CDK14: variants seen among roughly 807,000 people sequenced by gnomAD.
CDK14 encodes cyclin dependent kinase 14.
CDK14 carries 34 observed loss-of-function variants against 60.7 expected under a neutral mutation model. The observed-to-expected ratio is 0.56, with a 90% CI of 0.43 to 0.75. The LOEUF (loss-of-function observed/expected upper bound fraction) is 0.75. Ranked by LOEUF, CDK14 falls within the 30% of genes least tolerant of loss-of-function variation. The pLI is 0.00. For synonymous variants in CDK14, 197 were observed against 203.7 expected (o/e 0.97, Z 0.28); for missense variants, 482 against 564.1 (o/e 0.85, Z 1.47).
chr7:91,046,875 A>C (rs938223830), intron 11 of CDK14, among the ~76,000 whole-genome samples: 1 of 152,168 alleles, frequency 6.6e-6, no homozygotes, highest in African/African-American at 2.4e-5. Context: ...CTTTTGGGGA[A>C]CCATCAGGAA....
intron 4 of CDK14, among the ~76,000 whole-genome samples, chr7:90,774,194 A>C (rs969287443): frequency 6.6e-6 from 1 of 151,954 alleles, no homozygotes; most frequent in African/African-American, 2.4e-5. Context: ...GTGAGCCACT[A>C]CGCCAGGCCA....
intron 2 of CDK14, among the ~76,000 whole-genome samples, chr7:90,634,654 G>C (rs1800092256): frequency 6.6e-6 from 1 of 151,904 alleles, no homozygotes; most frequent in Non-Finnish European, 1.5e-5. Flanking sequence ...ACCCAGTAAT[G>C]GGATGGCTGG....
At position 91,079,492 on chromosome 7, in the gene CDK14, T is replaced by C. The variant is rs1162267149; in HGVS notation, c.1154+12T>C. 17 of 1,569,556 alleles carry C rather than the reference T, an allele frequency of 1.1e-5. No individual in the cohort carries two copies. In the East Asian group the frequency reaches 3.8e-4, roughly 35 times the overall value. ...CAAGCATGGAATAAGTAAGTCTTTA[T>C]ACAGATTGTGCTCATTCTCTTTCTT... is the stretch of plus-strand genomic sequence containing the variant. On this transcript the variant is annotated intron_variant, in intron 12 of 14. Transcript: ENST00000380050.
chr7:90,923,550 C>G (rs980559118), intron 8 of CDK14, among the ~76,000 whole-genome samples: 1 of 152,112 alleles, frequency 6.6e-6, no homozygotes. Flanking sequence ...CAGATTGAAG[C>G]AATGTAGATA....
chr7:90,969,856 G>T (rs1794867798), intron 9 of CDK14, among the ~76,000 whole-genome samples: 1 of 151,706 alleles, frequency 6.6e-6, no homozygotes, highest in Non-Finnish European at 1.5e-5. Context: ...GCTGGTTGCT[G>T]GATGTTACCA....
intron 14 of CDK14, among the ~76,000 whole-genome samples, chr7:91,170,821 C>T (rs1277659295): frequency 7.4e-6 from 1 of 135,010 alleles, no homozygotes; most frequent in African/African-American, 2.9e-5. Context: ...GGCTGGAGTT[C>T]AGTGGCATGA....
chr7:90,649,378 C>T (rs1328380003), intron 2 of CDK14, among the ~76,000 whole-genome samples: 4 of 44,712 alleles, frequency 8.9e-5, no homozygotes, highest in African/African-American at 2.2e-4. Flanking sequence ...TCCTTCCTTC[C>T]TTCCTTCCTT....
rs376929990 is a variant in CDK14, at chr7:90,982,121, G to A, written c.948-2027G>A. ...TTGATTTACTGGACTAACTTGCTAGGTGGGAACTGTGAGCATGGCAGGTCA... is the reference window on the plus strand; with the variant it reads ...TTGATTTACTGGACTAACTTGCTAGATGGGAACTGTGAGCATGGCAGGTCA... On this transcript the variant is annotated intron_variant, in intron 9 of 14. Coordinates refer to ENST00000380050, the MANE Select transcript of CDK14 (RefSeq NM_001287135.2). Among the ~76,000 whole-genome samples, 42 of 152,264 alleles carry A rather than the reference G, an allele frequency of 2.8e-4. No homozygotes were observed. In the East Asian group the frequency reaches 3.3e-3, roughly 12 times the overall value.
intron 14 of CDK14, among the ~76,000 whole-genome samples, chr7:91,163,351 A>G (rs1801228433): frequency 6.6e-6 from 1 of 152,216 alleles, no homozygotes; most frequent in Non-Finnish European, 1.5e-5. Context: ...CCAGCGCAAG[A>G]TTTGACAAAG....
intron 2 of CDK14, among the ~76,000 whole-genome samples, chr7:90,694,216 A>T (rs2116594441): frequency 6.6e-6 from 1 of 152,318 alleles, no homozygotes; most frequent in African/African-American, 2.4e-5. Context: ...ATCAAATAAG[A>T]TGTTAAGAGT....
At position 90,766,533 on chromosome 7, in the gene CDK14, C is replaced by T. The variant is rs531660579; in HGVS notation, c.464+18758C>T. Among the ~76,000 whole-genome samples, 24 of 152,308 alleles carry T rather than the reference C, an allele frequency of 1.6e-4. No homozygotes were observed. The East Asian group carries it at 4.2e-3, about 27-fold the overall frequency. On this transcript the variant is annotated intron_variant, in intron 4 of 14. Transcript: ENST00000380050. ...GAGTAATTTGCCTACAATCACACAG[C>T]TAAGTTCCAGGGCCAGAATTCAGAT...
rs765393318 is a variant in CDK14 at position 90,604,233 on chromosome 7, A to T, written c.107A>T (p.Asp36Val). 4.5e-6 allele frequency: 7 copies of T among 1,542,724 alleles called. No homozygotes were observed. The Admixed American group carries it at 1.4e-4, about 30-fold the overall frequency. Residue 36 changes from aspartate (D) to valine (V), a missense_variant, in exon 2 of 15, where the codon GAC (aspartate) becomes GTC (valine). Asp to Val is a radical substitution (Grantham distance 152, BLOSUM62 -3). Transcript: ENST00000380050. The stretch of plus-strand genomic sequence containing the variant: ...TATTTTATAGCTTTGAAGAAAGATG[A>T]CACCACCTTTGATGAGGTAGGTTAA... ...SFSRIALKKDDTTFDEICVTK... is the reference protein window; with the variant it reads ...SFSRIALKKDVTTFDEICVTK...
intron 5 of CDK14, among the ~76,000 whole-genome samples, chr7:90,836,781 G>T (rs1272010632): frequency 6.6e-6 from 1 of 152,190 alleles, no homozygotes; most frequent in Non-Finnish European, 1.5e-5. Context: ...AAACACAGGA[G>T]TAATGCATTG....
chr7:91,205,074 G>A (rs569858003), intron 14 of CDK14, among the ~76,000 whole-genome samples: 1 of 152,188 alleles, frequency 6.6e-6, no homozygotes, highest in African/African-American at 2.4e-5. Flanking sequence ...TGGAACCCTT[G>A]TGCATTGCTG....
chr7:90,638,755 C>A (rs1800232170), intron 2 of CDK14, among the ~76,000 whole-genome samples: 1 of 152,218 alleles, frequency 6.6e-6, no homozygotes, highest in African/African-American at 2.4e-5. Context: ...CTCCTCGTCA[C>A]TTTCAGGTAC....
chr7:91,170,769 C>CTTT (rs1327491575), intron 14 of CDK14, among the ~76,000 whole-genome samples: 10 of 123,998 alleles, frequency 8.1e-5, no homozygotes, highest in African/African-American at 2.1e-4. Context: ...TTTTTTTTTT[C>CTTT]TTTTTTTTTT....
At chr7:90,926,695 A>T (rs1384186761) in intron 8 of CDK14, among the ~76,000 whole-genome samples, 1 of 152,176 alleles carries the variant, frequency 6.6e-6, no homozygotes, top group Non-Finnish European at 1.5e-5. Context: ...CCTCAGACAG[A>T]CACCAACTGA....
At chr7:90,681,645 GA>G (rs1225766808) in intron 2 of CDK14, among the ~76,000 whole-genome samples, 4 of 152,086 alleles carry the variant, frequency 2.6e-5, no homozygotes, top group African/African-American at 9.7e-5. Flanking sequence ...CTGTTTCTAT[GA>G]AAAAATAAAG....
chr7:90,901,500 A>C (rs1032586728), intron 7 of CDK14, among the ~76,000 whole-genome samples: 1 of 152,034 alleles, frequency 6.6e-6, no homozygotes, highest in African/African-American at 2.4e-5. Context: ...AAATGTATTC[A>C]TCTATGGGGA....
Sources: gnomAD v4.1 joint callset for allele counts (sites outside exome capture counted in the v4.1 genomes callset) on GRCh38, gnomAD v4.1.1 for gene constraint, MANE v1.5 for transcripts, NCBI Gene and HGNC (gene_info 2026-07-23, HGNC 2026-07-21) for gene names.